ATF7: variants seen among roughly 807,000 people sequenced by gnomAD.
ATF7 encodes the protein activating transcription factor 7.
In ATF7, 10 loss-of-function variants were observed where a neutral mutation model predicts 50.4. The ratio of observed to expected loss-of-function variants is 0.20; its 90% confidence interval spans 0.12 to 0.34. The LOEUF (loss-of-function observed/expected upper bound fraction) is 0.34. ATF7 is among the 10% of genes least tolerant of loss of function. The pLI, the probability that ATF7 is intolerant of heterozygous loss-of-function variation, is 1.00. For missense variants in ATF7, 465 were observed against 613.9 expected (o/e 0.76, Z 2.56); for synonymous variants, 201 against 226.4 (o/e 0.89, Z 1.01).
chr12:53,607,830 C>T (rs934411290), intron 1 of ATF7, among the ~76,000 whole-genome samples: 1 of 152,044 alleles, frequency 6.6e-6, no homozygotes, highest in African/African-American at 2.4e-5. Flanking sequence ...TAGTATTTTT[C>T]AAAGTCTCTA....
At chr12:53,608,092 T>A (rs1057097172) in intron 1 of ATF7, among the ~76,000 whole-genome samples, 1 of 151,674 alleles carries the variant, frequency 6.6e-6, no homozygotes, top group African/African-American at 2.4e-5. Context: ...TGGTGGTGCA[T>A]GCCTGTAGTC....
intron 2 of ATF7, among the ~76,000 whole-genome samples, chr12:53,569,880 T>A (rs1436904079): frequency 6.6e-6 from 1 of 152,200 alleles, no homozygotes; most frequent in Non-Finnish European, 1.5e-5. Flanking sequence ...GGTTTCACCA[T>A]ATTGGCCAGG....
chr12:53,542,897 T>C (rs753813217), intron 4 of ATF7: 109 of 1,011,560 alleles, frequency 1.1e-4, no homozygotes, highest in Non-Finnish European at 1.3e-4. Context: ...GAGTGGAAAT[T>C]TGATAAATGT....
chr12:53,514,965 G>A lies in ATF7; in HGVS notation c.*2172C>T, dbSNP rs922041937. ...ACTCTAAAGCAGGAGAAAATCCCAG[G>A]GAGCAGCCAGCTAAAGGGGAAGTCC... On this transcript the variant is annotated 3_prime_UTR_variant, in exon 12 of 12. Coordinates refer to ENST00000420353, the MANE Select transcript of ATF7 (RefSeq NM_006856.3). 2 of 152,160 alleles carry A rather than the reference G, an allele frequency of 1.3e-5. No homozygotes were observed. Among genetic ancestry groups the A allele is most frequent in the African/African-American group, 4.8e-5 (2 of 41,428 alleles). 9.4% of individuals were successfully genotyped at this position (152,160 alleles called of 1,614,324 possible).
At chr12:53,555,671 C>T (rs10783581) in intron 2 of ATF7, among the ~76,000 whole-genome samples, 64,570 of 150,530 alleles carry the variant, frequency 0.43, 14,142 homozygotes, top group East Asian at 0.73. Flanking sequence ...TCACCACGCC[C>T]GGCTAATTTT....
chr12:53,539,354 G>T (rs1354139816), intron 4 of ATF7, among the ~76,000 whole-genome samples: 1 of 152,176 alleles, frequency 6.6e-6, no homozygotes, highest in African/African-American at 2.4e-5. Flanking sequence ...CAAGGTGGGA[G>T]GATCACCTGA....
intron 1 of ATF7, among the ~76,000 whole-genome samples, chr12:53,618,020 G>T (rs886213817): frequency 6.6e-6 from 1 of 152,134 alleles, no homozygotes; most frequent in Non-Finnish European, 1.5e-5. Context: ...ATGTCGAAGA[G>T]AAAATGTCAT....
At chr12:53,611,651 C>T (rs1283100115) in intron 1 of ATF7, among the ~76,000 whole-genome samples, 3 of 151,962 alleles carry the variant, frequency 2.0e-5, no homozygotes, top group South Asian at 4.2e-4. Flanking sequence ...AGTGCAGTAA[C>T]GGGATCTTGG....
intron 5 of ATF7, among the ~76,000 whole-genome samples, chr12:53,536,528 C>T (rs529966886): frequency 3.3e-5 from 5 of 151,956 alleles, no homozygotes; most frequent in Non-Finnish European, 7.4e-5. Flanking sequence ...TCCACCACCT[C>T]GGCCTCCCAA....
intron 3 of ATF7, among the ~76,000 whole-genome samples, chr12:53,546,753 TTTTC>T (rs1291457615): frequency 6.6e-6 from 1 of 150,990 alleles, no homozygotes; most frequent in Non-Finnish European, 1.5e-5. Context: ...CCTGGCCTCT[TTTTC>T]TTTTTTTTTT....
chr12:53,524,452 T>G lies in ATF7; in HGVS notation c.1125+112A>C. 1 of 1,202,116 alleles carries G rather than the reference T, an allele frequency of 8.3e-7. No individual in the cohort carries two copies. Among genetic ancestry groups the G allele is most frequent in the African/African-American group, 1.5e-5 (1 of 66,178 alleles). The allele number at this position is 1,202,116 out of a possible 1,614,324, so 74.5% of individuals were successfully genotyped here. A position where few individuals can be genotyped will look rare whatever the true frequency, so the allele number is the denominator to read the frequency against. On this transcript the variant is annotated intron_variant, in intron 10 of 11. Transcript: ENST00000420353. The surrounding 1 kb of genome is among the most constrained non-coding windows in gnomAD (Gnocchi z 4.6). ...AGAGATTCTTCATGGGACAACTAGA[T>G]CTGTCCTAATTAGAGAATTACCATC...
intron 2 of ATF7, among the ~76,000 whole-genome samples, chr12:53,559,999 C>T (rs1032235871): frequency 4.6e-5 from 7 of 151,748 alleles, no homozygotes; most frequent in South Asian, 2.1e-4. Context: ...CTCGGCTCAC[C>T]GCAACCTCCG....
intron 1 of ATF7, among the ~76,000 whole-genome samples, chr12:53,620,846 TA>T (rs1486634870): frequency 6.7e-6 from 1 of 149,028 alleles, no homozygotes; most frequent in Non-Finnish European, 1.5e-5. Context: ...GTTAATTTTC[TA>T]TAATTATTTG....
chr12:53,606,877 T>C (rs1427950378), intron 1 of ATF7, among the ~76,000 whole-genome samples: 2 of 151,988 alleles, frequency 1.3e-5, no homozygotes, highest in Non-Finnish European at 2.9e-5. Flanking sequence ...TCCATGTCCC[T>C]ACAAAGGACA....
At chr12:53,536,762 C>T (rs933959952) in intron 5 of ATF7, among the ~76,000 whole-genome samples, 3 of 151,972 alleles carry the variant, frequency 2.0e-5, no homozygotes, top group Non-Finnish European at 4.4e-5. Context: ...GTGGCACGCA[C>T]CTGTAGTCCC....
chr12:53,534,288 A>C (rs894055082), intron 6 of ATF7, among the ~76,000 whole-genome samples: 2 of 152,162 alleles, frequency 1.3e-5, no homozygotes, highest in African/African-American at 4.8e-5. Context: ...AAAAAACCCA[A>C]AAAAAACAAA....
intron 2 of ATF7, among the ~76,000 whole-genome samples, chr12:53,571,186 C>T (rs1038423328): frequency 1.3e-5 from 2 of 151,584 alleles, no homozygotes; most frequent in Admixed American, 6.6e-5. Context: ...CAAGAAATGC[C>T]GGCAGCAACT....
Position 53,516,445 on chromosome 12 carries a change from A to G in ATF7, c.*692T>C, listed in dbSNP as rs1647940874. 6.6e-6 allele frequency: 1 copy of G among 152,644 alleles called. No homozygotes were observed. The highest frequency in any genetic ancestry group is 1.5e-5 in the Non-Finnish European group (1 of 68,092). 9.5% of individuals were successfully genotyped at this position (152,644 alleles called of 1,614,324 possible). ...CCAAATAGCTCTGCAAATAGATGAA[A>G]AAGAATTAGAACTCTTGAGGGTTTC... On this transcript the variant is annotated 3_prime_UTR_variant, in exon 12 of 12. Coordinates refer to ENST00000420353, the MANE Select transcript of ATF7 (RefSeq NM_006856.3).
intron 2 of ATF7, among the ~76,000 whole-genome samples, chr12:53,594,761 C>T (rs1037543122): frequency 1.3e-5 from 2 of 151,814 alleles, no homozygotes; most frequent in African/African-American, 2.4e-5. Context: ...TGGTGGTGGG[C>T]GCTTATAGTC....
Sources: gnomAD v4.1 joint callset for allele counts (sites outside exome capture counted in the v4.1 genomes callset) on GRCh38, gnomAD v4.1.1 for gene constraint, Gnocchi (gnomAD v3.1) non-coding constraint, MANE v1.5 for transcripts, NCBI Gene and HGNC (gene_info 2026-07-23, HGNC 2026-07-21) for gene names.